GOLGA8A: variants seen among roughly 807,000 people sequenced by gnomAD.
GOLGA8A encodes golgin A8 family member A, also known as golgin subfamily A member 8A.
In GOLGA8A, 3 loss-of-function variants were observed where a neutral mutation model predicts 22.1. The ratio of observed to expected loss-of-function variants is 0.14; its 90% confidence interval spans 0.06 to 0.35. GOLGA8A has a LOEUF of 0.35. Among genes scored for constraint, GOLGA8A ranks in the 10% least tolerant of loss-of-function variants. The pLI is 1.00. For missense variants in GOLGA8A, 16 were observed against 233.2 expected, an observed-to-expected ratio of 0.07 and a Z score of 6.07; for synonymous variants, 7 against 91.7, an observed-to-expected ratio of 0.08 and a Z score of 5.28.
intron 2 of GOLGA8A, among the ~76,000 whole-genome samples, chr15:34,435,178 T>C (rs997404688): frequency 6.7e-6 from 1 of 149,230 alleles, no homozygotes; most frequent in Non-Finnish European, 1.5e-5. Context: ...AGGGGGCCTC[T>C]GCAGCCAGGC....
chr15:34,433,898 T>G (rs1893367311), intron 2 of GOLGA8A, among the ~76,000 whole-genome samples: 1 of 149,262 alleles, frequency 6.7e-6, no homozygotes, highest in Non-Finnish European at 1.5e-5. Context: ...TAACGCTAAT[T>G]TATGTAGGGC....
At chr15:34,428,109 TGA>T (rs1360889187) in intron 2 of GOLGA8A, among the ~76,000 whole-genome samples, 3 of 146,310 alleles carry the variant, frequency 2.1e-5, no homozygotes, top group East Asian at 2.0e-4. Context: ...TTTTTTTTTT[TGA>T]GAGAGAGAAG....
intron 11 of GOLGA8A, chr15:34,387,058 TG>T: frequency 8.7e-7 from 1 of 1,144,878 alleles, no homozygotes; most frequent in Non-Finnish European, 1.2e-6. Flanking sequence ...CTGCCTATCT[TG>T]GACCCTTTGT....
intron 2 of GOLGA8A, among the ~76,000 whole-genome samples, chr15:34,410,755 G>A (rs1280815282): frequency 1.1e-5 from 1 of 90,294 alleles, no homozygotes; most frequent in Non-Finnish European, 2.5e-5. Flanking sequence ...TGGGAGACAT[G>A]TTGCGTGGAT....
chr15:34,408,976 T>C (rs1275322489), intron 2 of GOLGA8A, among the ~76,000 whole-genome samples: 11 of 112,340 alleles, frequency 9.8e-5, no homozygotes, highest in Admixed American at 8.6e-4. Flanking sequence ...TTAAATGCGT[T>C]TTGGTGAAAC....
rs116449518 is a variant in GOLGA8A, at chr15:34,428,487, G to C, written c.-1123+6896C>G. On this transcript the variant is annotated intron_variant, in intron 2 of 24. Coordinates refer to ENST00000359187, the MANE Select transcript of GOLGA8A (RefSeq NM_181077.5). ...AAGGCAGCCTCAGCCAGCATCCAGC[G>C]CAGTCCCAGCAGACAGGGATAATGA... 10 of 149,088 alleles carry C rather than the reference G, an allele frequency of 6.7e-5. 1 individual carries two copies. Among genetic ancestry groups the C allele is most frequent in the Admixed American group, 3.4e-4 (5 of 14,700 alleles). The allele number at this position is 149,088 out of a possible 1,614,324, so 9.2% of individuals were successfully genotyped here.
chr15:34,424,718 C>T (rs1398607407), intron 2 of GOLGA8A, among the ~76,000 whole-genome samples: 2 of 130,850 alleles, frequency 1.5e-5, no homozygotes, highest in Non-Finnish European at 3.2e-5. Flanking sequence ...TCTCTCCTCT[C>T]CCCACCCCCA....
chr15:34,421,389 C>A lies in GOLGA8A; in HGVS notation c.-1122-13654G>T, dbSNP rs534088026. On this transcript the variant is annotated intron_variant, in intron 2 of 24. Coordinates refer to ENST00000359187, the MANE Select transcript of GOLGA8A (RefSeq NM_181077.5). Reference sequence around the variant, plus strand: ...GTCATTGCAGCCCATCTCCAGCACTCTGCTCTGTATAAAAGACTGACTGTG... The same window carrying A: ...GTCATTGCAGCCCATCTCCAGCACTATGCTCTGTATAAAAGACTGACTGTG... Among the ~76,000 whole-genome samples, 205 of 142,214 alleles carry A rather than the reference C, an allele frequency of 1.4e-3. 9 individuals are homozygous for A. The highest frequency in any genetic ancestry group is 5.0e-3 in the African/African-American group (192 of 38,656). 93.3% of individuals were successfully genotyped at this position (142,214 alleles called of 152,430 possible).
chr15:34,431,337 A>ATC (rs1385683475), intron 2 of GOLGA8A, among the ~76,000 whole-genome samples: 49 of 99,252 alleles, frequency 4.9e-4, no homozygotes, highest in Non-Finnish European at 6.6e-4. Flanking sequence ...ATATATATAT[A>ATC]TATATATATC....
intron 2 of GOLGA8A, among the ~76,000 whole-genome samples, chr15:34,433,128 T>C (rs1198450439): frequency 6.7e-6 from 1 of 148,722 alleles, no homozygotes; most frequent in East Asian, 2.0e-4. Flanking sequence ...TCCCAGTCCC[T>C]TTCTCATAAA....
chr15:34,424,371 A>G (rs1484931694), intron 2 of GOLGA8A, among the ~76,000 whole-genome samples: 4 of 136,410 alleles, frequency 2.9e-5, no homozygotes, highest in Non-Finnish European at 6.3e-5. Flanking sequence ...GATGGACCCC[A>G]TAACAAAAGG....
chr15:34,427,435 C>CA lies in GOLGA8A; in HGVS notation c.-1123+7947dup, dbSNP rs1356632641. On this transcript the variant is annotated intron_variant, in intron 2 of 24. Transcript: ENST00000359187. ...TTTTCTGAAAACTTGCTTTAAAGTC[C>CA]AATTGTGGGGATTTGATGTAGATGG... 1.6e-4 allele frequency among the ~76,000 whole-genome samples: 23 copies of CA among 148,308 alleles called. 3 individuals are homozygous for CA. The highest frequency in any genetic ancestry group is 1.5e-3 in the Admixed American group (22 of 14,656).
At chr15:34,421,826 C>T (rs58836380) in intron 2 of GOLGA8A, among the ~76,000 whole-genome samples, 10,391 of 135,886 alleles carry the variant, frequency 0.076, 529 homozygotes, top group South Asian at 0.16. Context: ...GGGTGTCAGA[C>T]GTCACACAAC....
chr15:34,386,080 G>A (rs1317616300), intron 12 of GOLGA8A, among the ~76,000 whole-genome samples: 1 of 146,822 alleles, frequency 6.8e-6, no homozygotes, highest in Non-Finnish European at 1.5e-5. Flanking sequence ...AGAAAAGTGT[G>A]TTCATTCAAT....
chr15:34,437,478 GCCGCCGTCC>G lies in GOLGA8A; in HGVS notation c.-1301_-1293del, dbSNP rs1893598449. On this transcript the variant is annotated 5_prime_UTR_variant, in exon 1 of 25. Coordinates refer to ENST00000359187, the MANE Select transcript of GOLGA8A (RefSeq NM_181077.5). ...CTCGCCGCGCCGCCGTCCTCGCCGCGCCGCCGTCCTCGCCGCGCCGCCGTCCTCGCCGCG... is the reference window on the plus strand; with the variant it reads ...CTCGCCGCGCCGCCGTCCTCGCCGCGTCGCCGCGCCGCCGTCCTCGCCGCG... 1.4e-5 allele frequency: 1 copy of G among 70,774 alleles called. No homozygotes were observed. The highest frequency in any genetic ancestry group is 7.1e-5 in the African/African-American group (1 of 14,146). 4.4% of individuals were successfully genotyped at this position (70,774 alleles called of 1,614,324 possible).
chr15:34,430,926 C>T (rs958786093), intron 2 of GOLGA8A, among the ~76,000 whole-genome samples: 1 of 149,280 alleles, frequency 6.7e-6, no homozygotes, highest in Non-Finnish European at 1.5e-5. Flanking sequence ...GCACCACACC[C>T]GTGACAGCTG....
chr15:34,392,873 A>G (rs1891813563), intron 8 of GOLGA8A, among the ~76,000 whole-genome samples: 1 of 137,860 alleles, frequency 7.3e-6, no homozygotes, highest in African/African-American at 2.7e-5. Context: ...ATTTATGTAC[A>G]TATTTACCCT....
In GOLGA8A at chr15:34,426,584, T is replaced by C. The variant is rs146700380; in HGVS notation, c.-1123+8799A>G. 1.6e-3 allele frequency among the ~76,000 whole-genome samples: 226 copies of C among 145,648 alleles called. 15 individuals carry two copies. Among genetic ancestry groups the C allele is most frequent in the Admixed American group, 8.9e-3 (125 of 14,054 alleles). ...TGAATTTCATAATCAGAAACAGATA[T>C]TTAAAGGATCTCAAGATCTATGTTA... On this transcript the variant is annotated intron_variant, in intron 2 of 24. Transcript: ENST00000359187.
intron 12 of GOLGA8A, among the ~76,000 whole-genome samples, chr15:34,386,138 A>G (rs1225228884): frequency 6.8e-6 from 1 of 148,058 alleles, no homozygotes; most frequent in Non-Finnish European, 1.5e-5. Context: ...TTCACAGCCG[A>G]TATAGGATGG....
Sources: allele counts gnomAD v4.1 joint callset (sites outside exome capture counted in the v4.1 genomes callset), GRCh38; gene constraint gnomAD v4.1.1; transcripts MANE v1.5; gene names NCBI Gene and HGNC (gene_info 2026-07-23, HGNC 2026-07-21).